The following IQCH variants were observed in gnomAD, a reference collection of about 807,000 sequenced individuals.
IQCH encodes IQ domain-containing protein H.
In IQCH, 98 loss-of-function variants were observed where a neutral mutation model predicts 117.0. The observed-to-expected ratio is 0.84, with a 90% CI of 0.71 to 0.99. The LOEUF (loss-of-function observed/expected upper bound fraction) is 0.99. Among genes scored for constraint, IQCH ranks in the 50% least tolerant of loss-of-function variants. The probability of loss-of-function intolerance (pLI) is 0.00; values close to 1 mark genes in which losing one functional copy is unlikely to be tolerated. For synonymous variants in IQCH, 412 were observed against 448.2 expected, an observed-to-expected ratio of 0.92 and a Z score of 1.02; for missense variants, 1,102 against 1,243.8, an observed-to-expected ratio of 0.89 and a Z score of 1.72.
rs1567241382 is a variant in IQCH, at chr15:67,500,142, A to G, written c.2971-491A>G. Among the ~76,000 whole-genome samples the G allele has an allele frequency of 6.6e-6, 1 of 152,220 alleles. No homozygotes were observed. The highest frequency in any genetic ancestry group is 1.5e-5 in the Non-Finnish European group (1 of 68,030). ...AATTGTACTTCAATAAAATATAAACAAAGTAAATGGGAATGTGTCATTTTT... is the reference window on the plus strand; with the variant it reads ...AATTGTACTTCAATAAAATATAAACGAAGTAAATGGGAATGTGTCATTTTT... On this transcript the variant is annotated intron_variant, in intron 20 of 20. Transcript: ENST00000335894. The surrounding 1 kb of genome is among the most constrained non-coding windows in gnomAD (Gnocchi z 4.4).
intron 5 of IQCH, among the ~76,000 whole-genome samples, chr15:67,341,685 A>G (rs886808495): frequency 1.3e-5 from 2 of 152,138 alleles, no homozygotes; most frequent in African/African-American, 4.8e-5. Context: ...TTATATAAAT[A>G]TAAAATGAAC....
chr15:67,495,579 C>G (rs1362877073), intron 20 of IQCH, among the ~76,000 whole-genome samples: 1 of 152,210 alleles, frequency 6.6e-6, no homozygotes, highest in Non-Finnish European at 1.5e-5. Flanking sequence ...TTGAGCCTCT[C>G]TGCATTTCAT....
chr15:67,346,900 A>C (rs984198484), intron 6 of IQCH, among the ~76,000 whole-genome samples: 2 of 152,090 alleles, frequency 1.3e-5, no homozygotes, highest in African/African-American at 4.8e-5. Flanking sequence ...AAATCCCCCA[A>C]ATGCAAAAAC....
intron 1 of IQCH, 152 bp downstream of exon 1, chr15:67,255,099 A>G (rs1567039418): frequency 2.8e-6 from 2 of 719,820 alleles, no homozygotes; most frequent in Admixed American, 2.1e-5. Context: ...GCCCACCCAG[A>G]CCTTCCCCCA....
chr15:67,496,670 C>G lies in IQCH; in HGVS notation c.2970+2304C>G, dbSNP rs1370850628. ...GACCAGCCTGGGCAACATAGCAAGA[C>G]CTCATCTCTACTAAGAAGAAGAAGA... On this transcript the variant is annotated intron_variant, in intron 20 of 20. Transcript: ENST00000335894. This position sits in a 1 kb window ranked among gnomAD's most constrained non-coding sequence, Gnocchi z 4.4. Among the ~76,000 whole-genome samples, 1 of 152,028 alleles carries G rather than the reference C, an allele frequency of 6.6e-6. No homozygotes were observed. Among genetic ancestry groups the G allele is most frequent in the African/African-American group, 2.4e-5 (1 of 41,372 alleles).
At chr15:67,322,426 A>C (rs1278959926) in intron 4 of IQCH, among the ~76,000 whole-genome samples, 1 of 152,120 alleles carries the variant, frequency 6.6e-6, no homozygotes, top group Non-Finnish European at 1.5e-5. Flanking sequence ...CTGTTTTTTA[A>C]GTTCAGTCTG....
At position 67,395,654 on chromosome 15, in the gene IQCH, A is replaced by ATTCTTCATTGGGTAGGTCTGG; in HGVS notation, c.1905+91_1905+92insTTCTTCATTGGGTAGGTCTGG. 2 of 1,128,424 alleles carry ATTCTTCATTGGGTAGGTCTGG rather than the reference A, an allele frequency of 1.8e-6. No homozygotes were observed. Among genetic ancestry groups the ATTCTTCATTGGGTAGGTCTGG allele is most frequent in the Non-Finnish European group, 2.6e-6 (2 of 782,086 alleles). 69.9% of individuals were successfully genotyped at this position (1,128,424 alleles called of 1,614,324 possible). On this transcript the variant is annotated intron_variant, in intron 13 of 20. Coordinates refer to ENST00000335894, the MANE Select transcript of IQCH (RefSeq NM_001031715.3). This position sits in a 1 kb window ranked among gnomAD's most constrained non-coding sequence, Gnocchi z 4.0. ...TTCCAAGTCTTCTGGAGCCAGACCTACCCAATGAAGAATAGGTGGAATATT... is the reference window on the plus strand; with the variant it reads ...TTCCAAGTCTTCTGGAGCCAGACCTATTCTTCATTGGGTAGGTCTGGCCCAATGAAGAATAGGTGGAATATT...
rs775536018 is a variant in IQCH, at chr15:67,364,014, C to A, written c.753+4129C>A. Among the ~76,000 whole-genome samples the A allele has an allele frequency of 2.6e-5, 4 of 152,130 alleles. No individual in the cohort carries two copies. Among genetic ancestry groups the A allele is most frequent in the Non-Finnish European group, 5.9e-5 (4 of 68,030 alleles). On this transcript the variant is annotated intron_variant, in intron 8 of 20. Transcript: ENST00000335894. This position sits in a 1 kb window ranked among gnomAD's most constrained non-coding sequence, Gnocchi z 4.1. ...CTATTGTGAATAGTGCTGCAGTGAACATAACACATGCATGTGTCTTTATGG... is the reference window on the plus strand; with the variant it reads ...CTATTGTGAATAGTGCTGCAGTGAAAATAACACATGCATGTGTCTTTATGG...
Position 67,493,263 on chromosome 15 carries a change from T to C in IQCH, c.2862-995T>C, listed in dbSNP as rs1234390031. ...TCCTCATAGATGGGAAACTGAGGCTTAGAGAGGGGCAATGATTTGCCTGGG... is the reference window on the plus strand; with the variant it reads ...TCCTCATAGATGGGAAACTGAGGCTCAGAGAGGGGCAATGATTTGCCTGGG... On this transcript the variant is annotated intron_variant, in intron 19 of 20. Coordinates refer to ENST00000335894, the MANE Select transcript of IQCH (RefSeq NM_001031715.3). The surrounding 1 kb of genome is among the most constrained non-coding windows in gnomAD (Gnocchi z 5.1). Among the ~76,000 whole-genome samples the C allele has an allele frequency of 1.3e-5, 2 of 152,170 alleles. No homozygotes were observed. Among genetic ancestry groups the C allele is most frequent in the African/African-American group, 4.8e-5 (2 of 41,442 alleles).
At chr15:67,478,194 G>A (rs2083252433) in intron 18 of IQCH, among the ~76,000 whole-genome samples, 1 of 152,096 alleles carries the variant, frequency 6.6e-6, no homozygotes, top group South Asian at 2.1e-4. Flanking sequence ...AGTCCAGCCT[G>A]GCCAACATGG....
At chr15:67,271,461 T>A (rs1468902250) in intron 3 of IQCH, among the ~76,000 whole-genome samples, 1 of 152,240 alleles carries the variant, frequency 6.6e-6, no homozygotes, top group Non-Finnish European at 1.5e-5. Flanking sequence ...CTCTTCATTT[T>A]TTTTGAAGAG....
intron 16 of IQCH, among the ~76,000 whole-genome samples, chr15:67,437,312 C>T (rs2082162866): frequency 6.6e-6 from 1 of 152,146 alleles, no homozygotes; most frequent in Non-Finnish European, 1.5e-5. Flanking sequence ...AGACAACAAT[C>T]ACTGCATTTC....
At chr15:67,482,561 A>G (rs1328724419) in intron 18 of IQCH, among the ~76,000 whole-genome samples, 1 of 152,212 alleles carries the variant, frequency 6.6e-6, no homozygotes, top group African/African-American at 2.4e-5. Context: ...TGAAAGGTAG[A>G]CATTTTCATT....
chr15:67,347,727 GCC>G (rs1185598843), intron 6 of IQCH, among the ~76,000 whole-genome samples: 1 of 150,172 alleles, frequency 6.7e-6, no homozygotes, highest in East Asian at 1.9e-4. Context: ...AAAAACTACA[GCC>G]CAGTATTCTT....
intron 16 of IQCH, among the ~76,000 whole-genome samples, chr15:67,464,909 T>C (rs140958272): frequency 2.0e-5 from 3 of 152,366 alleles, no homozygotes; most frequent in Admixed American, 1.3e-4. Flanking sequence ...CAAGTATTTC[T>C]GTAACTTCCC....
Position 67,453,234 on chromosome 15 carries a change from C to A in IQCH, c.2506-11893C>A, listed in dbSNP as rs539618292. ...CCTTCTTCTCTCAACTCGTCAAAGT[C>A]ATTCTCCATCCAGCTTTGTTCCGTT... is the stretch of plus-strand genomic sequence containing the variant. On this transcript the variant is annotated intron_variant, in intron 16 of 20. Coordinates refer to ENST00000335894, the MANE Select transcript of IQCH (RefSeq NM_001031715.3). This position sits in a 1 kb window ranked among gnomAD's most constrained non-coding sequence, Gnocchi z 5.8. Among the ~76,000 whole-genome samples the A allele has an allele frequency of 2.6e-4, 39 of 152,348 alleles. No homozygotes were observed. Among genetic ancestry groups the A allele is most frequent in the African/African-American group, 8.7e-4 (36 of 41,562 alleles).
chr15:67,412,630 C>A (rs1212359376), intron 14 of IQCH, among the ~76,000 whole-genome samples: 1 of 152,082 alleles, frequency 6.6e-6, no homozygotes, highest in African/African-American at 2.4e-5. Context: ...AACTCCTGAC[C>A]TCAAGTGATC....
intron 7 of IQCH, among the ~76,000 whole-genome samples, chr15:67,358,181 TTAACCATCATGAGGCACTTTCTTTTC>T: frequency 1.2e-4 from 14 of 119,676 alleles, no homozygotes; most frequent in Non-Finnish European, 1.4e-4. Context: ...TTTTTCTTTT[TTAACCATCATGAGGCACTTTCTTTTC>T]TTTTTTTTTT....
chr15:67,265,082 A>G (rs1250915391), intron 3 of IQCH, among the ~76,000 whole-genome samples: 1 of 152,212 alleles, frequency 6.6e-6, no homozygotes, highest in East Asian at 1.9e-4. Context: ...ACCAATTCTA[A>G]TGAAAGAATC....
Sources: allele counts gnomAD v4.1 joint callset (sites outside exome capture counted in the v4.1 genomes callset), GRCh38; gene constraint gnomAD v4.1.1; non-coding constraint Gnocchi (gnomAD v3.1); transcripts MANE v1.5; gene names NCBI Gene and HGNC (gene_info 2026-07-23, HGNC 2026-07-21).